The following PIWIL2 variants were observed in gnomAD, a reference collection of about 807,000 sequenced individuals.
PIWIL2 encodes the protein piwi-like protein 2.
Under a neutral mutation model 116.5 loss-of-function variants are expected in PIWIL2, and 81 were observed. The observed-to-expected ratio is 0.70, with a 90% CI of 0.58 to 0.84. PIWIL2 has a LOEUF of 0.84. PIWIL2 is among the 40% of genes least tolerant of loss of function. The probability of loss-of-function intolerance (pLI) is 0.00; values close to 1 mark genes in which losing one functional copy is unlikely to be tolerated. For synonymous variants in PIWIL2, 489 were observed against 429.5 expected, an observed-to-expected ratio of 1.14 and a Z score of -1.71; for missense variants, 1,272 against 1,212.3, an observed-to-expected ratio of 1.05 and a Z score of -0.73.
At chr8:22,282,374 G>A (rs1213394692) in intron 4 of PIWIL2, among the ~76,000 whole-genome samples, 1 of 149,734 alleles carries the variant, frequency 6.7e-6, no homozygotes, top group Admixed American at 6.7e-5. Flanking sequence ...TTTTAGTAGA[G>A]ACGGGGTTTC....
Position 22,279,365 on chromosome 8 carries a change from A to C in PIWIL2, c.-22A>C. ...GGTAATTAACCAGAACAGGATCGAC[A>C]CGTGTTCTCTACAGCCCGTCCATGG... is the stretch of plus-strand genomic sequence containing the variant. On this transcript the variant is annotated 5_prime_UTR_variant, in exon 2 of 23. Transcript: ENST00000356766. 6.3e-7 allele frequency: 1 copy of C among 1,588,794 alleles called. No individual in the cohort carries two copies. Among genetic ancestry groups the C allele is most frequent in the Non-Finnish European group, 8.6e-7 (1 of 1,156,880 alleles).
At position 22,289,543 on chromosome 8, in the gene PIWIL2, T is replaced by C. The variant is rs1259543164; in HGVS notation, c.987-304T>C. Among the ~76,000 whole-genome samples the C allele has an allele frequency of 2.6e-5, 4 of 152,368 alleles. No individual in the cohort carries two copies. The East Asian group carries it at 5.8e-4, about 22-fold the overall frequency. Reference sequence around the variant, plus strand: ...GTTATTCACACACTTAGCAATGGGCTGTCTTGCATTCTTCGTAGTTAGTGG... The same window carrying C: ...GTTATTCACACACTTAGCAATGGGCCGTCTTGCATTCTTCGTAGTTAGTGG... On this transcript the variant is annotated intron_variant, in intron 8 of 22. Coordinates refer to ENST00000356766, the MANE Select transcript of PIWIL2 (RefSeq NM_018068.5).
chr8:22,288,048 T>C (rs976804701), intron 7 of PIWIL2, among the ~76,000 whole-genome samples: 4 of 152,110 alleles, frequency 2.6e-5, no homozygotes, highest in African/African-American at 9.7e-5. Context: ...CCTGTAATCC[T>C]AGTACTTTGG....
chr8:22,345,261 A>C (rs1362854771), intron 20 of PIWIL2, among the ~76,000 whole-genome samples: 10 of 152,224 alleles, frequency 6.6e-5, no homozygotes, highest in African/African-American at 2.4e-4. Context: ...TGTACCCAAG[A>C]AAATTGAAAA....
At chr8:22,308,670 T>A (rs1831249254) in intron 14 of PIWIL2, among the ~76,000 whole-genome samples, 1 of 152,096 alleles carries the variant, frequency 6.6e-6, no homozygotes, top group South Asian at 2.1e-4. Context: ...ATTAACTAAT[T>A]TAAAAAAATA....
At chr8:22,308,158 A>T in intron 14 of PIWIL2, 85 bp downstream of exon 14, 3 of 1,079,152 alleles carry the variant, frequency 2.8e-6, no homozygotes, top group Admixed American at 2.5e-5. Context: ...TTGTCAGTAT[A>T]TTTTGAATGT....
At chr8:22,317,820 C>T (rs566437686) in intron 19 of PIWIL2, among the ~76,000 whole-genome samples, 11 of 152,048 alleles carry the variant, frequency 7.2e-5, no homozygotes, top group East Asian at 1.9e-4. Context: ...CCACCACGCC[C>T]GGCTAATTTT....
At chr8:22,288,930 A>G (rs987139701) in intron 8 of PIWIL2, among the ~76,000 whole-genome samples, 4 of 152,172 alleles carry the variant, frequency 2.6e-5, no homozygotes, top group African/African-American at 9.7e-5. Flanking sequence ...GAACTTTGAA[A>G]GCGGCTGTTG....
rs751698200 is a variant in PIWIL2, at chr8:22,353,213, G to T, written c.2657+1G>T. ...ATCATACAATAACAAGCTGTGAGTG[G>T]TAAGTGAGCAAAATATGTAGTATTG... On this transcript the variant is annotated splice_donor_variant, in intron 21 of 22. Coordinates refer to ENST00000356766, the MANE Select transcript of PIWIL2 (RefSeq NM_018068.5). LOFTEE classifies it high-confidence loss of function. The T allele has an allele frequency of 6.2e-7, 1 of 1,608,372 alleles. No individual in the cohort carries two copies. Among genetic ancestry groups the T allele is most frequent in the Non-Finnish European group, 8.5e-7 (1 of 1,175,686 alleles).
intron 20 of PIWIL2, among the ~76,000 whole-genome samples, chr8:22,335,716 T>TTTGTTG (rs769033434): frequency 3.7e-4 from 56 of 151,974 alleles, no homozygotes; most frequent in African/African-American, 1.3e-3. Flanking sequence ...CCCAGCTAAA[T>TTTGTTG]TTGTTGTTGT....
At chr8:22,302,048 T>A (rs978614147) in intron 10 of PIWIL2, among the ~76,000 whole-genome samples, 4 of 152,192 alleles carry the variant, frequency 2.6e-5, no homozygotes, top group Non-Finnish European at 5.9e-5. Context: ...GTTCAAGATA[T>A]TTTCTCATTT....
At chr8:22,325,745 AAGT>A (rs1411020375) in intron 20 of PIWIL2, among the ~76,000 whole-genome samples, 1 of 151,972 alleles carries the variant, frequency 6.6e-6, no homozygotes, top group East Asian at 1.9e-4. Context: ...CAGCCTCCCA[AAGT>A]GCTGGGATTA....
intron 13 of PIWIL2, among the ~76,000 whole-genome samples, chr8:22,307,281 C>T (rs1344342706): frequency 1.3e-5 from 2 of 151,900 alleles, no homozygotes; most frequent in Admixed American, 6.6e-5. Flanking sequence ...CTTGGCCTCC[C>T]AAAGTGCTGG....
rs148025686 is a variant in PIWIL2 at position 22,286,172 on chromosome 8, G to A, written c.744-1356G>A. On this transcript the variant is annotated intron_variant, in intron 6 of 22. Transcript: ENST00000356766. ...TTTGGCCACAGGAAAAAAAGCAACT[G>A]AATTTGCTTGTTGAGGGTGTTGTGA... Among the ~76,000 whole-genome samples, 43 of 152,284 alleles carry A rather than the reference G, an allele frequency of 2.8e-4. No individual in the cohort carries two copies. In the East Asian group the frequency reaches 6.6e-3, roughly 23 times the overall value.
At chr8:22,278,225 A>G (rs1466757339) in intron 1 of PIWIL2, among the ~76,000 whole-genome samples, 1 of 151,318 alleles carries the variant, frequency 6.6e-6, no homozygotes, top group Non-Finnish European at 1.5e-5. Flanking sequence ...ATCCTCATAC[A>G]TAAAAACTGC....
Position 22,287,585 on chromosome 8 carries a change from C to T in PIWIL2, c.801C>T (p.Val267=), listed in dbSNP as rs765830221. The T allele has an allele frequency of 1.2e-6, 2 of 1,613,902 alleles. No individual in the cohort carries two copies. Among genetic ancestry groups the T allele is most frequent in the South Asian group, 2.2e-5 (2 of 91,062 alleles). Reference sequence around the variant, plus strand: ...GCATGTTGAAGGACCATCAAGCTGTCACCGGCAACGTCACTGCGTTTGATG... The same window carrying T: ...GCATGTTGAAGGACCATCAAGCTGTTACCGGCAACGTCACTGCGTTTGATG... ...RFGMLKDHQA[V]TGNVTAFDGS... is the part of the protein sequence containing the mutation. The change falls in exon 7 of 23, where the codon GTC becomes GTT. Residue 267 remains valine, a synonymous_variant. Transcript: ENST00000356766.
At chr8:22,352,689 G>A in intron 20 of PIWIL2, 1 of 362,860 alleles carries the variant, frequency 2.8e-6, no homozygotes. Flanking sequence ...ATTGTTTGTG[G>A]ATAAGCCGTA....
At position 22,313,463 on chromosome 8, in the gene PIWIL2, T is replaced by C. The variant is rs549764231; in HGVS notation, c.1990-865T>C. ...TTAATTTAAACAAACATAAACACTTTTAAGTCATTGTAGGGCCTGAAAAAA... is the reference window on the plus strand; with the variant it reads ...TTAATTTAAACAAACATAAACACTTCTAAGTCATTGTAGGGCCTGAAAAAA... On this transcript the variant is annotated intron_variant, in intron 16 of 22. Transcript: ENST00000356766. Among the ~76,000 whole-genome samples the C allele has an allele frequency of 5.3e-5, 8 of 152,352 alleles. No homozygotes were observed. The East Asian group carries it at 1.2e-3, about 22-fold the overall frequency.
chr8:22,320,082 C>T (rs894866232), intron 20 of PIWIL2, among the ~76,000 whole-genome samples: 5 of 152,116 alleles, frequency 3.3e-5, no homozygotes, highest in African/African-American at 1.2e-4. Context: ...CCTGCCTCAG[C>T]CTCCTGAATA....
Sources: allele counts gnomAD v4.1 joint callset (sites outside exome capture counted in the v4.1 genomes callset), GRCh38; gene constraint gnomAD v4.1.1; transcripts MANE v1.5; gene names NCBI Gene and HGNC (gene_info 2026-07-23, HGNC 2026-07-21).